SLC7A1: variants seen among roughly 807,000 people sequenced by gnomAD.
The protein encoded by SLC7A1 is solute carrier family 7 member 1.
In SLC7A1, 10 loss-of-function variants were observed where a neutral mutation model predicts 53.9. The observed-to-expected ratio is 0.19, with a 90% confidence interval of 0.11 to 0.31. The LOEUF is 0.31. Among genes scored for constraint, SLC7A1 ranks in the 10% least tolerant of loss-of-function variants. SLC7A1 has a pLI of 1.00. For synonymous variants in SLC7A1, 342 were observed against 338.7 expected, an observed-to-expected ratio of 1.01 and a Z score of -0.11; for missense variants, 525 against 827.2, an observed-to-expected ratio of 0.63 and a Z score of 4.48.
At chr13:29,531,710 T>A (rs1450291290) in intron 4 of SLC7A1, among the ~76,000 whole-genome samples, 3 of 152,136 alleles carry the variant, frequency 2.0e-5, no homozygotes, top group Non-Finnish European at 2.9e-5. Context: ...GGTGCGTGTC[T>A]GTAATCGCAG....
intron 1 of SLC7A1, among the ~76,000 whole-genome samples, chr13:29,560,394 C>T (rs1346613746): frequency 6.6e-6 from 1 of 151,350 alleles, no homozygotes; most frequent in Non-Finnish European, 1.5e-5. Context: ...TAGGACTACA[C>T]GCTAAAATAA....
chr13:29,591,247 T>C (rs929122995), intron 1 of SLC7A1, among the ~76,000 whole-genome samples: 1 of 152,262 alleles, frequency 6.6e-6, no homozygotes, highest in Non-Finnish European at 1.5e-5. Context: ...TTATCTCATT[T>C]AAATCCTCTC....
intron 1 of SLC7A1, among the ~76,000 whole-genome samples, chr13:29,579,865 C>T (rs1871567240): frequency 6.6e-6 from 1 of 152,160 alleles, no homozygotes; most frequent in African/African-American, 2.4e-5. Flanking sequence ...GTGCCCTGCT[C>T]CATGTTTCTG....
At chr13:29,523,149 G>A in intron 7 of SLC7A1, 117 bp downstream of exon 7, 1 of 830,142 alleles carries the variant, frequency 1.2e-6, no homozygotes, top group Non-Finnish European at 2.0e-6. Flanking sequence ...TCTATTTCAA[G>A]GGTAAAGAAT....
chr13:29,517,135 G>A lies in SLC7A1; in HGVS notation c.1677+9C>T, dbSNP rs762160368. ...TACCAGGGTTCCTTCCCTAGGCCGA[G>A]CTGCTCACCTTAAATGAGAGCTTGG... On this transcript the variant is annotated intron_variant, in intron 11 of 12. Transcript: ENST00000380752. The A allele has an allele frequency of 5.7e-6, 9 of 1,589,930 alleles. No homozygotes were observed. Among genetic ancestry groups the A allele is most frequent in the Non-Finnish European group, 6.9e-6 (8 of 1,166,660 alleles).
chr13:29,522,202 A>T, intron 8 of SLC7A1, 115 bp downstream of exon 8: 1 of 1,046,170 alleles, frequency 9.6e-7, no homozygotes, highest in Non-Finnish European at 1.4e-6. Context: ...AAAAACCAGG[A>T]GTTAAAAAGA....
At chr13:29,591,776 T>C (rs1204439245) in intron 1 of SLC7A1, among the ~76,000 whole-genome samples, 1 of 152,152 alleles carries the variant, frequency 6.6e-6, no homozygotes, top group African/African-American at 2.4e-5. Context: ...AGAAGGGACA[T>C]CCTCTCCCAC....
At chr13:29,561,427 C>CCCTTTGGGATGGCCAGATT (rs1177924195) in intron 1 of SLC7A1, among the ~76,000 whole-genome samples, 1 of 152,150 alleles carries the variant, frequency 6.6e-6, no homozygotes, top group African/African-American at 2.4e-5. Flanking sequence ...GACAGTCAAG[C>CCCTTTGGGATGGCCAGATT]CCTTTGGGAT....
At chr13:29,561,194 C>A (rs478085) in intron 1 of SLC7A1, among the ~76,000 whole-genome samples, 15,748 of 152,136 alleles carry the variant, frequency 0.1, 951 homozygotes, top group African/African-American at 0.16. Flanking sequence ...ACACTAATGA[C>A]GGCAGCACAC....
chr13:29,562,565 C>G lies in SLC7A1; in HGVS notation c.-114-8705G>C, dbSNP rs1056631610. Reference sequence around the variant, plus strand: ...AATCCGAAATGCTCCTGGTTCCAAGCATTTTGGATAAGGTATCCTCAACCG... The same window carrying G: ...AATCCGAAATGCTCCTGGTTCCAAGGATTTTGGATAAGGTATCCTCAACCG... On this transcript the variant is annotated intron_variant, in intron 1 of 12. Transcript: ENST00000380752. 2.0e-5 allele frequency among the ~76,000 whole-genome samples: 3 copies of G among 152,192 alleles called. No individual in the cohort carries two copies. In the East Asian group the frequency reaches 5.8e-4, roughly 29 times the overall value.
At chr13:29,569,169 G>A (rs574709630) in intron 1 of SLC7A1, among the ~76,000 whole-genome samples, 1 of 152,112 alleles carries the variant, frequency 6.6e-6, no homozygotes, top group East Asian at 1.9e-4. Flanking sequence ...TCCCCACTAC[G>A]AGGCCCACCT....
intron 11 of SLC7A1, chr13:29,516,783 G>A (rs779968718): frequency 1.0e-4 from 20 of 197,356 alleles, no homozygotes; most frequent in Non-Finnish European, 2.0e-4. Context: ...ACTGTCTGGG[G>A]AAGAGGCAGC....
intron 5 of SLC7A1, among the ~76,000 whole-genome samples, chr13:29,527,292 G>A (rs1213918641): frequency 1.3e-5 from 2 of 152,108 alleles, no homozygotes; most frequent in Non-Finnish European, 2.9e-5. Flanking sequence ...ATGAAGAAAG[G>A]AACGCATTGT....
chr13:29,541,736 A>T (rs1869675721), intron 2 of SLC7A1, among the ~76,000 whole-genome samples: 1 of 152,224 alleles, frequency 6.6e-6, no homozygotes, highest in South Asian at 2.1e-4. Flanking sequence ...CACTAAGAGA[A>T]GTGGAAAAAA....
At chr13:29,557,830 G>A (rs1593565684) in intron 1 of SLC7A1, among the ~76,000 whole-genome samples, 2 of 10,000 alleles carry the variant, frequency 2.0e-4, no homozygotes, top group South Asian at 4.1e-3. Context: ...GTGAATGTGA[G>A]TGAGGGGGAG....
At chr13:29,567,123 T>C (rs1057255814) in intron 1 of SLC7A1, among the ~76,000 whole-genome samples, 11 of 152,232 alleles carry the variant, frequency 7.2e-5, no homozygotes, top group African/African-American at 2.7e-4. Context: ...CATCTTCTGG[T>C]GTTCTGTTAC....
At chr13:29,564,051 TA>T (rs1870871423) in intron 1 of SLC7A1, among the ~76,000 whole-genome samples, 1 of 151,950 alleles carries the variant, frequency 6.6e-6, no homozygotes, top group Non-Finnish European at 1.5e-5. Context: ...CTCAAGATGG[TA>T]AAAGGAAAAC....
intron 11 of SLC7A1, 109 bp downstream of exon 11, chr13:29,517,035 A>T: frequency 9.2e-7 from 1 of 1,082,758 alleles, no homozygotes; most frequent in East Asian, 2.7e-5. Context: ...GCTAGCAAAA[A>T]CCTTCCTCGG....
At chr13:29,537,058 G>A (rs1041847905) in intron 2 of SLC7A1, among the ~76,000 whole-genome samples, 1 of 152,218 alleles carries the variant, frequency 6.6e-6, no homozygotes, top group African/African-American at 2.4e-5. Flanking sequence ...CCGACCAGAT[G>A]CGACAGGTGA....
Sources: allele counts gnomAD v4.1 joint callset (sites outside exome capture counted in the v4.1 genomes callset), GRCh38; gene constraint gnomAD v4.1.1; transcripts MANE v1.5; gene names NCBI Gene and HGNC (gene_info 2026-07-23, HGNC 2026-07-21).